The following LRRTM3 variants were observed in gnomAD, a reference collection of about 807,000 sequenced individuals.
The protein encoded by LRRTM3 is leucine-rich repeat transmembrane neuronal protein 3.
A neutral mutation model predicts 44.7 loss-of-function variants in LRRTM3; 24 were observed. That is an observed-to-expected ratio of 0.54 (90% CI 0.39 to 0.76). LRRTM3 has a LOEUF of 0.76. LRRTM3 is among the 30% of genes least tolerant of loss of function. The pLI is 0.00. For synonymous variants in LRRTM3, 277 were observed against 278.7 expected, an observed-to-expected ratio of 0.99 and a Z score of 0.06; for missense variants, 587 against 702.2, an observed-to-expected ratio of 0.84 and a Z score of 1.85.
In LRRTM3 at chr10:67,016,491, T is replaced by C. The variant is rs1005565271; in HGVS notation, c.1537-81096T>C. ...AGACTGCCTGGGCTGAAAGACAAAG[T>C]GGTAGAGAATAGAACGAGGTTGTTG... On this transcript the variant is annotated intron_variant, in intron 2 of 2. Transcript: ENST00000361320. Among the ~76,000 whole-genome samples the C allele has an allele frequency of 3.3e-5, 5 of 152,162 alleles. No homozygotes were observed. The East Asian group carries it at 9.6e-4, about 29-fold the overall frequency.
At chr10:66,932,998 A>G (rs1200955567) in intron 2 of LRRTM3, among the ~76,000 whole-genome samples, 1 of 152,214 alleles carries the variant, frequency 6.6e-6, no homozygotes, top group Non-Finnish European at 1.5e-5. Context: ...GAAGTTTCTC[A>G]TATGTAACAC....
At chr10:67,024,791 A>G (rs1853249290) in intron 2 of LRRTM3, among the ~76,000 whole-genome samples, 1 of 152,164 alleles carries the variant, frequency 6.6e-6, no homozygotes, top group South Asian at 2.1e-4. Context: ...AAATATTTTA[A>G]CTTGCTCAAA....
intron 2 of LRRTM3, among the ~76,000 whole-genome samples, chr10:67,030,486 C>T (rs1853645915): frequency 6.6e-6 from 1 of 151,840 alleles, no homozygotes; most frequent in South Asian, 2.1e-4. Context: ...TATATTCACA[C>T]CCACACAAAA....
intron 2 of LRRTM3, among the ~76,000 whole-genome samples, chr10:67,004,651 T>TG (rs1236980004): frequency 6.6e-6 from 1 of 152,230 alleles, no homozygotes; most frequent in Non-Finnish European, 1.5e-5. Flanking sequence ...CTGATGGCAT[T>TG]GGCAAGTAGT....
chr10:66,974,537 G>A (rs535159544), intron 2 of LRRTM3, among the ~76,000 whole-genome samples: 26 of 152,236 alleles, frequency 1.7e-4, no homozygotes, highest in Middle Eastern at 6.8e-3. Context: ...TGTAATTACT[G>A]GTTCGTAGTG....
intron 2 of LRRTM3, among the ~76,000 whole-genome samples, chr10:67,017,402 AAAG>A (rs1198400384): frequency 6.6e-6 from 1 of 152,178 alleles, no homozygotes; most frequent in Non-Finnish European, 1.5e-5. Flanking sequence ...GTTGCTCTGG[AAAG>A]AAGAACAGAG....
chr10:66,981,172 G>A (rs995594720), intron 2 of LRRTM3, among the ~76,000 whole-genome samples: 2 of 152,164 alleles, frequency 1.3e-5, no homozygotes, highest in African/African-American at 4.8e-5. Flanking sequence ...CCAAAGTGCT[G>A]GGATTACAGG....
chr10:66,980,561 T>A (rs988972337), intron 2 of LRRTM3, among the ~76,000 whole-genome samples: 2 of 152,092 alleles, frequency 1.3e-5, no homozygotes, highest in African/African-American at 4.8e-5. Flanking sequence ...TATTGAGACC[T>A]TCCTACCCAC....
intron 2 of LRRTM3, among the ~76,000 whole-genome samples, chr10:67,092,764 T>C (rs1279462641): frequency 6.6e-6 from 1 of 151,996 alleles, no homozygotes; most frequent in African/African-American, 2.4e-5. Flanking sequence ...GTACATAGCA[T>C]TGATGTTGAT....
At chr10:66,985,261 TGTTATA>T (rs1213955499) in intron 2 of LRRTM3, among the ~76,000 whole-genome samples, 2 of 152,224 alleles carry the variant, frequency 1.3e-5, no homozygotes, top group Non-Finnish European at 2.9e-5. Context: ...GATTATTTAT[TGTTATA>T]AAGTTTAACA....
At chr10:66,963,952 T>C (rs1353908182) in intron 2 of LRRTM3, among the ~76,000 whole-genome samples, 1 of 151,936 alleles carries the variant, frequency 6.6e-6, no homozygotes, top group Non-Finnish European at 1.5e-5. Flanking sequence ...AAGCAAGCAA[T>C]TCTCCTGTCT....
At chr10:66,971,913 A>ATT (rs1849745391) in intron 2 of LRRTM3, among the ~76,000 whole-genome samples, 2 of 151,918 alleles carry the variant, frequency 1.3e-5, no homozygotes, top group African/African-American at 4.8e-5. Context: ...TTTTTTTTAA[A>ATT]CATGCTAATG....
intron 2 of LRRTM3, among the ~76,000 whole-genome samples, chr10:67,044,092 C>T (rs1564851229): frequency 6.6e-6 from 1 of 151,890 alleles, no homozygotes; most frequent in East Asian, 1.9e-4. Context: ...CCCTTCCCTC[C>T]TCCCTCTTTC....
chr10:67,019,482 T>G (rs895378979), intron 2 of LRRTM3, among the ~76,000 whole-genome samples: 1 of 152,174 alleles, frequency 6.6e-6, no homozygotes, highest in Non-Finnish European at 1.5e-5. Context: ...CCTCCCAAAG[T>G]GCTAGGATTA....
intron 2 of LRRTM3, among the ~76,000 whole-genome samples, chr10:67,024,305 T>C (rs1001042906): frequency 3.9e-5 from 6 of 152,210 alleles, no homozygotes; most frequent in Admixed American, 3.3e-4. Flanking sequence ...ACTGCTTCTG[T>C]CTTTATATTT....
intron 2 of LRRTM3, among the ~76,000 whole-genome samples, chr10:67,023,463 C>T (rs190216135): frequency 5.9e-5 from 9 of 152,186 alleles, no homozygotes; most frequent in East Asian, 3.9e-4. Flanking sequence ...CTATAGAGAA[C>T]GATGACTAAA....
intron 2 of LRRTM3, among the ~76,000 whole-genome samples, chr10:67,049,272 G>C (rs1352795741): frequency 1.3e-5 from 2 of 151,970 alleles, no homozygotes; most frequent in African/African-American, 4.8e-5. Context: ...AAGGTAAGAG[G>C]TCTATTATTA....
chr10:66,999,579 G>A (rs150694566), intron 2 of LRRTM3, among the ~76,000 whole-genome samples: 2 of 152,010 alleles, frequency 1.3e-5, no homozygotes, highest in Non-Finnish European at 2.9e-5. Context: ...ATCCCTTTTA[G>A]GTCACAAAAG....
At position 67,098,044 on chromosome 10, in the gene LRRTM3, G is replaced by A; in HGVS notation, c.*248G>A. ...CAGAGTATGACCCTGAAAAATAAAA[G>A]AATCTTTTTTTTTCAAAACTCATCC... On this transcript the variant is annotated 3_prime_UTR_variant, in exon 3 of 3. Transcript: ENST00000361320. The A allele has an allele frequency of 2.1e-6, 1 of 474,214 alleles. No homozygotes were observed. Among genetic ancestry groups the A allele is most frequent in the Non-Finnish European group, 3.8e-6 (1 of 263,212 alleles). 29.4% of individuals were successfully genotyped at this position (474,214 alleles called of 1,614,324 possible).
Sources: allele counts gnomAD v4.1 joint callset (sites outside exome capture counted in the v4.1 genomes callset), GRCh38; gene constraint gnomAD v4.1.1; transcripts MANE v1.5; gene names NCBI Gene and HGNC (gene_info 2026-07-23, HGNC 2026-07-21).